Variants in APCDD1L observed in about 807,000 individuals in gnomAD.
APCDD1L encodes the protein protein APCDD1-like.
APCDD1L carries 21 observed loss-of-function variants against 24.2 expected under a neutral mutation model. The observed-to-expected ratio is 0.87, with a 90% CI of 0.61 to 1.25. APCDD1L has a LOEUF of 1.25. Among genes scored for constraint, APCDD1L ranks in the 50% most tolerant of loss-of-function variants. APCDD1L has a pLI of 0.00. For synonymous variants in APCDD1L, 321 were observed against 323.6 expected (o/e 0.99, Z 0.09); for missense variants, 704 against 711.7 (o/e 0.99, Z 0.12).
Position 58,508,665 on chromosome 20 carries a change from C to G in APCDD1L, c.49+5994G>C, listed in dbSNP as rs1349793097. On this transcript the variant is annotated intron_variant, in intron 1 of 3. Coordinates refer to ENST00000371149, the MANE Select transcript of APCDD1L (RefSeq NM_153360.3). This position sits in a 1 kb window ranked among gnomAD's most constrained non-coding sequence, Gnocchi z 4.0. ...CAGCTGTGACTGGGGTTCCCGTCTGCCACTGCTTACACTATGTTGGGTATA... is the reference window on the plus strand; with the variant it reads ...CAGCTGTGACTGGGGTTCCCGTCTGGCACTGCTTACACTATGTTGGGTATA... Among the ~76,000 whole-genome samples, 3 of 152,128 alleles carry G rather than the reference C, an allele frequency of 2.0e-5. No individual in the cohort carries two copies. Among genetic ancestry groups the G allele is most frequent in the African/African-American group, 7.2e-5 (3 of 41,410 alleles).
At position 58,508,970 on chromosome 20, in the gene APCDD1L, G is replaced by T. The variant is rs139300626; in HGVS notation, c.49+5689C>A. 6.8e-6 allele frequency among the ~76,000 whole-genome samples: 1 copy of T among 148,058 alleles called. No individual in the cohort carries two copies. The highest frequency in any genetic ancestry group is 1.5e-5 in the Non-Finnish European group (1 of 67,414). On this transcript the variant is annotated intron_variant, in intron 1 of 3. Coordinates refer to ENST00000371149, the MANE Select transcript of APCDD1L (RefSeq NM_153360.3). The surrounding 1 kb of genome is among the most constrained non-coding windows in gnomAD (Gnocchi z 4.0). ...TGAGTGTGCATGTGTGTCTGTGTGCGCACGTGTGTGTGCATGTGCATGCGT... is the reference window on the plus strand; with the variant it reads ...TGAGTGTGCATGTGTGTCTGTGTGCTCACGTGTGTGTGCATGTGCATGCGT...
In APCDD1L at chr20:58,461,870, T is replaced by G; in HGVS notation, c.742-316A>C. On this transcript the variant is annotated intron_variant, in intron 3 of 3. Transcript: ENST00000371149. The surrounding 1 kb of genome is among the most constrained non-coding windows in gnomAD (Gnocchi z 6.0). Reference sequence around the variant, plus strand: ...GGGCACCAGAGAGAGCTTTCCCGAATGCCCCATGTAAGGTGGGCCTCAGGG... The same window carrying G: ...GGGCACCAGAGAGAGCTTTCCCGAAGGCCCCATGTAAGGTGGGCCTCAGGG... 3.3e-6 allele frequency: 1 copy of G among 307,688 alleles called. No individual in the cohort carries two copies. The highest frequency in any genetic ancestry group is 5.9e-6 in the Non-Finnish European group (1 of 168,068). 19.1% of individuals were successfully genotyped at this position (307,688 alleles called of 1,614,324 possible).
chr20:58,473,008 G>C (rs566146516), intron 1 of APCDD1L, among the ~76,000 whole-genome samples: 1 of 152,286 alleles, frequency 6.6e-6, no homozygotes, highest in Non-Finnish European at 1.5e-5. Flanking sequence ...AGGTTAATTT[G>C]AACATCTTCA....
intron 1 of APCDD1L, among the ~76,000 whole-genome samples, chr20:58,487,650 A>G (rs1308509010): frequency 6.6e-6 from 1 of 152,234 alleles, no homozygotes; most frequent in South Asian, 2.1e-4. Context: ...AATACTAAGT[A>G]AAAGGAAACT....
In APCDD1L at chr20:58,467,865, G is replaced by A. The variant is rs1451493002; in HGVS notation, c.189-207C>T. Among the ~76,000 whole-genome samples the A allele has an allele frequency of 1.3e-5, 2 of 152,122 alleles. No individual in the cohort carries two copies. Among genetic ancestry groups the A allele is most frequent in the Non-Finnish European group, 2.9e-5 (2 of 68,024 alleles). ...TTTGCACTGGATGCCTCGTGGCCTCGACACAAGCCTTCTAGTTCATTCTCC... is the reference window on the plus strand; with the variant it reads ...TTTGCACTGGATGCCTCGTGGCCTCAACACAAGCCTTCTAGTTCATTCTCC... On this transcript the variant is annotated intron_variant, in intron 2 of 3. Coordinates refer to ENST00000371149, the MANE Select transcript of APCDD1L (RefSeq NM_153360.3). This position sits in a 1 kb window ranked among gnomAD's most constrained non-coding sequence, Gnocchi z 5.9.
chr20:58,484,896 A>G (rs1398555709), intron 1 of APCDD1L, among the ~76,000 whole-genome samples: 1 of 151,726 alleles, frequency 6.6e-6, no homozygotes, highest in Non-Finnish European at 1.5e-5. Flanking sequence ...AATCACTTTA[A>G]CAGTTCCTTG....
chr20:58,502,092 T>C (rs1990446969), intron 1 of APCDD1L, among the ~76,000 whole-genome samples: 1 of 152,162 alleles, frequency 6.6e-6, no homozygotes, highest in Non-Finnish European at 1.5e-5. Flanking sequence ...TCTGCCATTG[T>C]CTTGTGTTTT....
chr20:58,492,885 A>G (rs1003296777), intron 1 of APCDD1L, among the ~76,000 whole-genome samples: 2 of 152,324 alleles, frequency 1.3e-5, no homozygotes, highest in South Asian at 2.1e-4. Context: ...CAATGCAAGC[A>G]TATACACACA....
intron 1 of APCDD1L, among the ~76,000 whole-genome samples, chr20:58,491,508 TAA>T (rs1425710644): frequency 6.6e-6 from 1 of 152,146 alleles, no homozygotes; most frequent in Non-Finnish European, 1.5e-5. Context: ...GTAAAAAATA[TAA>T]GATACCTAGG....
chr20:58,483,286 G>A (rs1048475080), intron 1 of APCDD1L, among the ~76,000 whole-genome samples: 6 of 152,144 alleles, frequency 3.9e-5, no homozygotes, highest in Non-Finnish European at 8.8e-5. Context: ...TGCGGAGGGA[G>A]GCCTTGCTGC....
At position 58,472,462 on chromosome 20, in the gene APCDD1L, C is replaced by T. The variant is rs895351301; in HGVS notation, c.50-1715G>A. The stretch of plus-strand genomic sequence containing the variant: ...GTTGTTGGACTTCGGGGTGTGACGG[C>T]GTCACCGGTGCTTGTCTCACATCCC... On this transcript the variant is annotated intron_variant, in intron 1 of 3. Transcript: ENST00000371149. 4.6e-5 allele frequency among the ~76,000 whole-genome samples: 7 copies of T among 152,188 alleles called. No individual in the cohort carries two copies. In the East Asian group the frequency reaches 1.2e-3, roughly 25 times the overall value.
At chr20:58,509,164 T>A (rs150021681) in intron 1 of APCDD1L, among the ~76,000 whole-genome samples, 70 of 151,606 alleles carry the variant, frequency 4.6e-4, no homozygotes, top group African/African-American at 1.6e-3. Context: ...CCTGAGGGAG[T>A]CGTGCTGCCT....
At chr20:58,506,404 A>G (rs1337157993) in intron 1 of APCDD1L, among the ~76,000 whole-genome samples, 1 of 152,238 alleles carries the variant, frequency 6.6e-6, no homozygotes, top group Non-Finnish European at 1.5e-5. Flanking sequence ...TCTGTAGGGC[A>G]GTGTCCTGTC....
chr20:58,496,838 G>A (rs532691528), intron 1 of APCDD1L, among the ~76,000 whole-genome samples: 9 of 152,266 alleles, frequency 5.9e-5, no homozygotes, highest in African/African-American at 2.2e-4. Context: ...GGATGCCCCT[G>A]AGGGGGCCAG....
chr20:58,484,952 G>GTTTTT (rs3069428), intron 1 of APCDD1L, among the ~76,000 whole-genome samples: 13 of 148,788 alleles, frequency 8.7e-5, no homozygotes, highest in Admixed American at 1.3e-4. Flanking sequence ...TGCTATTAAA[G>GTTTTT]TTTTTTTTTT....
intron 1 of APCDD1L, among the ~76,000 whole-genome samples, chr20:58,498,703 C>T (rs888287948): frequency 6.6e-6 from 1 of 152,218 alleles, no homozygotes; most frequent in African/African-American, 2.4e-5. Flanking sequence ...TAACCTTGGC[C>T]TCCACCTGCA....
At chr20:58,509,866 C>T (rs1001373704) in intron 1 of APCDD1L, among the ~76,000 whole-genome samples, 4 of 152,202 alleles carry the variant, frequency 2.6e-5, no homozygotes, top group African/African-American at 9.7e-5. Flanking sequence ...CTTCAGTGAA[C>T]ACTCCATTGC....
In APCDD1L at chr20:58,510,507, T is replaced by C. The variant is rs569803726; in HGVS notation, c.49+4152A>G. Among the ~76,000 whole-genome samples, 28 of 152,292 alleles carry C rather than the reference T, an allele frequency of 1.8e-4. No individual in the cohort carries two copies. In the South Asian group the frequency reaches 5.8e-3, roughly 32 times the overall value. On this transcript the variant is annotated intron_variant, in intron 1 of 3. Coordinates refer to ENST00000371149, the MANE Select transcript of APCDD1L (RefSeq NM_153360.3). Reference sequence around the variant, plus strand: ...GACACCACACCCAGCTAATTTTTTATTTTTAGTGGAGACAGGGTTTCACCA... The same window carrying C: ...GACACCACACCCAGCTAATTTTTTACTTTTAGTGGAGACAGGGTTTCACCA...
Position 58,494,981 on chromosome 20 carries a change from G to A in APCDD1L, c.49+19678C>T, listed in dbSNP as rs1990293478. Among the ~76,000 whole-genome samples, 1 of 152,132 alleles carries A rather than the reference G, an allele frequency of 6.6e-6. No individual in the cohort carries two copies. The highest frequency in any genetic ancestry group is 1.5e-5 in the Non-Finnish European group (1 of 68,038). On this transcript the variant is annotated intron_variant, in intron 1 of 3. Transcript: ENST00000371149. The surrounding 1 kb of genome is among the most constrained non-coding windows in gnomAD (Gnocchi z 4.8). ...AACACCCCCATGACCTTGTCTCAAG[G>A]TGGGCCCTCTGGTGTCCCCTGGAGC...
Sources: allele counts gnomAD v4.1 joint callset (sites outside exome capture counted in the v4.1 genomes callset), GRCh38; gene constraint gnomAD v4.1.1; non-coding constraint Gnocchi (gnomAD v3.1); transcripts MANE v1.5; gene names NCBI Gene and HGNC (gene_info 2026-07-23, HGNC 2026-07-21).